Variants in AIG1 observed in about 807,000 individuals in gnomAD.
The protein encoded by AIG1 is androgen-induced gene 1 protein.
Under a neutral mutation model 31.4 loss-of-function variants are expected in AIG1, and 23 were observed. The ratio of observed to expected loss-of-function variants is 0.73; its 90% CI spans 0.53 to 1.04. The LOEUF (loss-of-function observed/expected upper bound fraction) is 1.04, where lower values mean the gene tolerates loss of function less well. Ranked by LOEUF, AIG1 falls within the 50% of genes least tolerant of loss-of-function variation. The pLI is 0.00. For missense variants in AIG1, 274 were observed against 295.0 expected, an observed-to-expected ratio of 0.93 and a Z score of 0.52; for synonymous variants, 100 against 110.5, an observed-to-expected ratio of 0.90 and a Z score of 0.60.
Position 143,333,330 on chromosome 6 carries a change from G to A in AIG1, c.564G>A (p.Leu188=). 1 of 1,613,800 alleles carries A rather than the reference G, an allele frequency of 6.2e-7. No individual in the cohort carries two copies. The highest frequency in any genetic ancestry group is 1.1e-5 in the South Asian group (1 of 91,020). ...HVTGMWVYPF[L]EHIGPGARII... ...CTGGCATGTGGGTGTACCCTTTCCT[G>A]GAACACATTGGCCCAGGAGCCAGAA... Residue 188 remains leucine (L), a synonymous_variant, in exon 5 of 6, where the codon CTG becomes CTA. Coordinates refer to ENST00000357847, the MANE Select transcript of AIG1 (RefSeq NM_016108.4). The surrounding 1 kb of genome is among the most constrained non-coding windows in gnomAD (Gnocchi z 4.6).
chr6:143,162,995 C>T (rs1244246687), intron 2 of AIG1, among the ~76,000 whole-genome samples: 2 of 152,144 alleles, frequency 1.3e-5, no homozygotes, highest in Non-Finnish European at 2.9e-5. Context: ...CCTCCCCAAG[C>T]AGAACATCTC....
chr6:143,212,920 G>C (rs532166515), intron 3 of AIG1, among the ~76,000 whole-genome samples: 1 of 152,322 alleles, frequency 6.6e-6, no homozygotes, highest in South Asian at 2.1e-4. Context: ...AACCAAGGCA[G>C]AGTTAATCTG....
At chr6:143,336,792 C>G (rs1247083556) in intron 5 of AIG1, among the ~76,000 whole-genome samples, 1 of 152,092 alleles carries the variant, frequency 6.6e-6, no homozygotes, top group East Asian at 1.9e-4. Flanking sequence ...TATGAGTCAT[C>G]CTGAAGCAAA....
intron 3 of AIG1, among the ~76,000 whole-genome samples, chr6:143,232,829 A>G (rs543212193): frequency 6.6e-6 from 1 of 152,040 alleles, no homozygotes; most frequent in Non-Finnish European, 1.5e-5. Context: ...TATTAGCTCC[A>G]TTGGCCTATA....
intron 3 of AIG1, among the ~76,000 whole-genome samples, chr6:143,254,086 A>G (rs1161476571): frequency 1.3e-5 from 2 of 152,162 alleles, no homozygotes; most frequent in East Asian, 3.9e-4. Flanking sequence ...CGCCTTTTCA[A>G]AGTGGTGGGT....
chr6:143,255,153 C>A (rs1179353603), intron 3 of AIG1, among the ~76,000 whole-genome samples: 8 of 152,182 alleles, frequency 5.3e-5, no homozygotes, highest in African/African-American at 1.9e-4. Flanking sequence ...TCGTAATACA[C>A]AACAGTTCAG....
chr6:143,115,753 C>A (rs1353265033), intron 1 of AIG1, among the ~76,000 whole-genome samples: 1 of 152,204 alleles, frequency 6.6e-6, no homozygotes, highest in Non-Finnish European at 1.5e-5. Context: ...GGCTTATTGA[C>A]CATGAGTATC....
chr6:143,300,867 A>G (rs1328748395), intron 4 of AIG1, among the ~76,000 whole-genome samples: 5 of 152,210 alleles, frequency 3.3e-5, no homozygotes, highest in Admixed American at 6.5e-5. Context: ...GACACATACA[A>G]ATGAGGTGAG....
At chr6:143,109,695 T>C (rs539482986) in intron 1 of AIG1, among the ~76,000 whole-genome samples, 2 of 152,316 alleles carry the variant, frequency 1.3e-5, no homozygotes, top group South Asian at 4.1e-4. Context: ...ATGACGTGTG[T>C]GTTAAAGTCC....
chr6:143,334,698 T>G lies in AIG1; in HGVS notation c.679+1253T>G, dbSNP rs1777342230. Among the ~76,000 whole-genome samples, 1 of 152,218 alleles carries G rather than the reference T, an allele frequency of 6.6e-6. No individual in the cohort carries two copies. Among genetic ancestry groups the G allele is most frequent in the East Asian group, 1.9e-4 (1 of 5,202 alleles). ...TATTTAGTTACTTGACAAAAATATT[T>G]TGAGAACAAAATATAAACCTTTCTC... On this transcript the variant is annotated intron_variant, in intron 5 of 5. Transcript: ENST00000357847. The surrounding 1 kb of genome is among the most constrained non-coding windows in gnomAD (Gnocchi z 5.1).
At chr6:143,335,221 T>C (rs1380339773) in intron 5 of AIG1, 6 of 1,096,026 alleles carry the variant, frequency 5.5e-6, no homozygotes, top group Non-Finnish European at 5.9e-6. Flanking sequence ...ATTTTTGTTT[T>C]TGAATCAGTA....
intron 3 of AIG1, among the ~76,000 whole-genome samples, chr6:143,177,227 G>A (rs1788255861): frequency 1.3e-5 from 2 of 151,956 alleles, no homozygotes; most frequent in Admixed American, 6.6e-5. Context: ...GAATCTATTT[G>A]TGTTCTCTCG....
chr6:143,192,785 A>G (rs1364257834), intron 3 of AIG1, among the ~76,000 whole-genome samples: 2 of 152,218 alleles, frequency 1.3e-5, no homozygotes, highest in East Asian at 1.9e-4. Context: ...TAGATGACCT[A>G]TGATCCATCC....
At chr6:143,263,552 A>C (rs1056250409) in intron 3 of AIG1, among the ~76,000 whole-genome samples, 37 of 152,230 alleles carry the variant, frequency 2.4e-4, no homozygotes, top group African/African-American at 8.0e-4. Flanking sequence ...AAATTAAAGA[A>C]CATTCTAAAA....
intron 3 of AIG1, among the ~76,000 whole-genome samples, chr6:143,194,522 G>A (rs1450336673): frequency 6.6e-6 from 1 of 152,196 alleles, no homozygotes; most frequent in Non-Finnish European, 1.5e-5. Context: ...TTAAATATGA[G>A]ACATTCTCTT....
At chr6:143,153,919 G>C (rs1163373468) in intron 2 of AIG1, among the ~76,000 whole-genome samples, 3 of 151,326 alleles carry the variant, frequency 2.0e-5, no homozygotes, top group Non-Finnish European at 4.4e-5. Flanking sequence ...ATTATTAATA[G>C]ATTCAAAAGT....
At chr6:143,136,066 G>C (rs1783709630) in intron 1 of AIG1, among the ~76,000 whole-genome samples, 1 of 152,090 alleles carries the variant, frequency 6.6e-6, no homozygotes, top group East Asian at 1.9e-4. Context: ...TGATCTAAAT[G>C]CTTCCATTCA....
At chr6:143,199,324 T>C (rs1790506759) in intron 3 of AIG1, among the ~76,000 whole-genome samples, 1 of 152,070 alleles carries the variant, frequency 6.6e-6, no homozygotes, top group Admixed American at 6.6e-5. Flanking sequence ...AGTGAAATGA[T>C]ATGATGTCTG....
In AIG1 at chr6:143,328,886, C is replaced by T. The variant is rs1425567687; in HGVS notation, c.516-4396C>T. Among the ~76,000 whole-genome samples, 1 of 152,034 alleles carries T rather than the reference C, an allele frequency of 6.6e-6. No individual in the cohort carries two copies. Among genetic ancestry groups the T allele is most frequent in the Non-Finnish European group, 1.5e-5 (1 of 67,994 alleles). On this transcript the variant is annotated intron_variant, in intron 4 of 5. Transcript: ENST00000357847. The surrounding 1 kb of genome is among the most constrained non-coding windows in gnomAD (Gnocchi z 4.0). ...CTTAAGCTAAAATTAAAATTGGTAC[C>T]ATGACCATAAGCATATGTTATTTGA...
Sources: gnomAD v4.1 joint callset for allele counts (sites outside exome capture counted in the v4.1 genomes callset) on GRCh38, gnomAD v4.1.1 for gene constraint, Gnocchi (gnomAD v3.1) non-coding constraint, MANE v1.5 for transcripts, NCBI Gene and HGNC (gene_info 2026-07-23, HGNC 2026-07-21) for gene names.